GRIP1: variants seen among roughly 807,000 people sequenced by gnomAD.
The protein encoded by GRIP1 is glutamate receptor interacting protein 1.
A neutral mutation model predicts 129.9 loss-of-function variants in GRIP1; 45 were observed. The observed-to-expected ratio is 0.35, with a 90% CI of 0.27 to 0.44. GRIP1 has a LOEUF of 0.44. Ranked by LOEUF, GRIP1 falls within the 20% of genes least tolerant of loss-of-function variation. The pLI is 1.00. For missense variants in GRIP1, 1,196 were observed against 1,396.8 expected (o/e 0.86, Z 2.29); for synonymous variants, 530 against 520.8 (o/e 1.02, Z -0.24).
At chr12:66,612,402 T>C (rs539263242) in intron 1 of GRIP1, among the ~76,000 whole-genome samples, 100 of 152,300 alleles carry the variant, frequency 6.6e-4, no homozygotes, top group African/African-American at 2.3e-3. Context: ...GTTCTGTGTG[T>C]AATTCCAGCA....
intron 14 of GRIP1, 72 bp from the exon 15 acceptor site, chr12:66,420,861 T>C (rs1456099055): frequency 2.3e-6 from 2 of 878,540 alleles, no homozygotes; most frequent in Non-Finnish European, 3.9e-6. Context: ...TTTCCCCTGT[T>C]TTATAATAAC....
chr12:67,014,711 T>C (rs1446424674), intron 1 of GRIP1, among the ~76,000 whole-genome samples: 1 of 151,904 alleles, frequency 6.6e-6, no homozygotes, highest in Admixed American at 6.6e-5. Flanking sequence ...CTCAGAATAA[T>C]CTGGGAAAAA....
chr12:66,741,955 C>G (rs541541550), intron 1 of GRIP1, among the ~76,000 whole-genome samples: 1 of 152,150 alleles, frequency 6.6e-6, no homozygotes, highest in Non-Finnish European at 1.5e-5. Context: ...ACCTCTCTAC[C>G]AATTCTTCAC....
chr12:66,866,776 A>G (rs1007708575), intron 1 of GRIP1, among the ~76,000 whole-genome samples: 3 of 152,170 alleles, frequency 2.0e-5, no homozygotes, highest in African/African-American at 7.2e-5. Context: ...AAAAATATAT[A>G]TACTGTACTC....
At chr12:66,804,432 T>G (rs1028225716), upstream of GRIP1, among the ~76,000 whole-genome samples, 17 of 150,834 alleles carry the variant, frequency 1.1e-4, no homozygotes, top group African/African-American at 3.9e-4. Flanking sequence ...AATCTGTAAT[T>G]TTTTTAAAAA....
At chr12:66,935,624 T>C (rs1019383010) in intron 1 of GRIP1, among the ~76,000 whole-genome samples, 4 of 152,164 alleles carry the variant, frequency 2.6e-5, no homozygotes, top group African/African-American at 9.7e-5. Context: ...AATTGAGCAA[T>C]GAATGATTCA....
chr12:66,835,303 A>G (rs540076282), intron 1 of GRIP1, among the ~76,000 whole-genome samples: 1 of 152,334 alleles, frequency 6.6e-6, no homozygotes, highest in South Asian at 2.1e-4. Context: ...TACTCTTACC[A>G]TTTGACATAG....
chr12:66,497,427 G>A (rs1409395366), intron 7 of GRIP1, among the ~76,000 whole-genome samples: 1 of 152,176 alleles, frequency 6.6e-6, no homozygotes, highest in African/African-American at 2.4e-5. Context: ...CTTAGGCAGA[G>A]GGAACAGAAC....
chr12:66,832,156 C>T (rs2039531217), intron 1 of GRIP1, among the ~76,000 whole-genome samples: 1 of 152,308 alleles, frequency 6.6e-6, no homozygotes, highest in Non-Finnish European at 1.5e-5. Context: ...TAGAAAATAT[C>T]AAGAGGTCAT....
chr12:66,934,506 G>GT (rs1173684280), intron 1 of GRIP1, among the ~76,000 whole-genome samples: 6 of 152,166 alleles, frequency 3.9e-5, no homozygotes, highest in African/African-American at 1.4e-4. Flanking sequence ...TCCTGGTCCT[G>GT]TTTGTTAGCA....
chr12:66,709,649 C>T (rs77024454), intron 1 of GRIP1, among the ~76,000 whole-genome samples: 1 of 151,902 alleles, frequency 6.6e-6, no homozygotes, highest in East Asian at 1.9e-4. Flanking sequence ...CTTTCAAAGG[C>T]TGATAGTACA....
chr12:66,697,382 C>T (rs371626571), intron 1 of GRIP1, among the ~76,000 whole-genome samples: 1 of 152,104 alleles, frequency 6.6e-6, no homozygotes, highest in Non-Finnish European at 1.5e-5. Flanking sequence ...AGAGCCACTA[C>T]AGGTATTAAT....
At chr12:66,735,951 G>A (rs2036581666) in intron 1 of GRIP1, among the ~76,000 whole-genome samples, 1 of 152,096 alleles carries the variant, frequency 6.6e-6, no homozygotes, top group African/African-American at 2.4e-5. Context: ...TCATGCAGCT[G>A]AATGAGAAGA....
intron 1 of GRIP1, among the ~76,000 whole-genome samples, chr12:67,062,600 G>C (rs1213907582): frequency 6.6e-6 from 1 of 151,496 alleles, no homozygotes; most frequent in Admixed American, 6.6e-5. Flanking sequence ...ATCTGTACAA[G>C]AGTAGAGAAG....
rs536657259 is a variant in GRIP1, at chr12:66,349,102, A to T, written c.3304T>A (p.Trp1102Arg). The change falls in exon 25 of 25, where the codon TGG (tryptophan) becomes AGG (arginine). Residue 1102 changes from tryptophan to arginine, a missense_variant. By Grantham distance (101) the Trp-to-Arg change is moderately radical. Transcript: ENST00000359742. ...AAAAAAGCACTGTTCTGTTCACTCCAATCTCCTGGTAGACTCTGTTGGTCT... is the reference window on the plus strand; with the variant it reads ...AAAAAAGCACTGTTCTGTTCACTCCTATCTCCTGGTAGACTCTGTTGGTCT... ...SIDQQSLPGD[W>R]SEQNSAFFQQ... The T allele has an allele frequency of 2.1e-5, 34 of 1,614,128 alleles. No individual in the cohort carries two copies. The South Asian group carries it at 3.6e-4, about 17-fold the overall frequency.
intron 2 of GRIP1, among the ~76,000 whole-genome samples, chr12:66,566,330 G>C (rs1306176376): frequency 6.6e-6 from 1 of 152,050 alleles, no homozygotes; most frequent in Non-Finnish European, 1.5e-5. Flanking sequence ...TTAGCATGAA[G>C]GTTGTTGAAT....
At chr12:66,606,020 T>G (rs1278161156) in intron 1 of GRIP1, among the ~76,000 whole-genome samples, 1 of 138,936 alleles carries the variant, frequency 7.2e-6, no homozygotes, top group East Asian at 1.9e-4. Context: ...ACAAGGGCTA[T>G]GTGTGATTGC....
At chr12:66,940,923 A>T (rs1165507055) in intron 1 of GRIP1, among the ~76,000 whole-genome samples, 1 of 152,160 alleles carries the variant, frequency 6.6e-6, no homozygotes, top group Non-Finnish European at 1.5e-5. Flanking sequence ...TATAAATTTA[A>T]TATATTTTAT....
At chr12:66,478,264 G>A (rs1160191242) in intron 7 of GRIP1, among the ~76,000 whole-genome samples, 1 of 152,148 alleles carries the variant, frequency 6.6e-6, no homozygotes, top group Admixed American at 6.5e-5. Context: ...GCAGCCAACA[G>A]ACACATGAAA....
Sources: gnomAD v4.1 joint callset for allele counts (sites outside exome capture counted in the v4.1 genomes callset) on GRCh38, gnomAD v4.1.1 for gene constraint, MANE v1.5 for transcripts, NCBI Gene and HGNC (gene_info 2026-07-23, HGNC 2026-07-21) for gene names.